The following TNFRSF21 variants were observed in gnomAD, a reference collection of about 807,000 sequenced individuals.
TNFRSF21 encodes tumor necrosis factor receptor superfamily member 21.
TNFRSF21 carries 19 observed loss-of-function variants against 45.6 expected under a neutral mutation model. The observed-to-expected ratio is 0.42, with a 90% CI of 0.29 to 0.61. The LOEUF (loss-of-function observed/expected upper bound fraction) is 0.61, where lower values mean the gene tolerates loss of function less well. Ranked by LOEUF, TNFRSF21 falls within the 20% of genes least tolerant of loss-of-function variation. The pLI, the probability that TNFRSF21 is intolerant of heterozygous loss-of-function variation, is 0.23. For synonymous variants in TNFRSF21, 314 were observed against 335.5 expected (o/e 0.94, Z 0.70); for missense variants, 737 against 851.5 (o/e 0.87, Z 1.67).
intron 1 of TNFRSF21, among the ~76,000 whole-genome samples, chr6:47,305,580 G>A (rs1478323577): frequency 6.6e-6 from 1 of 152,140 alleles, no homozygotes; most frequent in African/African-American, 2.4e-5. Flanking sequence ...AACAGCCAAA[G>A]TGAATTGCCA....
Position 47,309,338 on chromosome 6 carries a change from G to A in TNFRSF21, c.96+78C>T, listed in dbSNP as rs1762983353. ...CCCGCGCCTCCCTAAGCCCCGGCCCGGTGACCCGCCCGGCTCCCGGAGAGC... is the reference window on the plus strand; with the variant it reads ...CCCGCGCCTCCCTAAGCCCCGGCCCAGTGACCCGCCCGGCTCCCGGAGAGC... On this transcript the variant is annotated intron_variant, in intron 1 of 5. Transcript: ENST00000296861. 1.8e-5 allele frequency: 27 copies of A among 1,469,094 alleles called. No individual in the cohort carries two copies. The South Asian group carries it at 2.6e-4, about 14-fold the overall frequency. The allele number at this position is 1,469,094 out of a possible 1,614,324, so 91.0% of individuals were successfully genotyped here. A position where few individuals can be genotyped will look rare whatever the true frequency, so the allele number is the denominator to read the frequency against.
Position 47,295,210 on chromosome 6 carries a change from T to C in TNFRSF21, c.97-8615A>G, listed in dbSNP as rs141975579. Among the ~76,000 whole-genome samples the C allele has an allele frequency of 2.5e-4, 38 of 152,286 alleles. No homozygotes were observed. The East Asian group carries it at 7.1e-3, about 29-fold the overall frequency. On this transcript the variant is annotated intron_variant, in intron 1 of 5. Transcript: ENST00000296861. ...TCACTTCTATTCTCGGACACAGAGA[T>C]GGGCCTGACTAAGGACAAGAAGCAC...
At chr6:47,237,513 C>T (rs1162615110) in intron 4 of TNFRSF21, among the ~76,000 whole-genome samples, 4 of 152,110 alleles carry the variant, frequency 2.6e-5, no homozygotes, top group African/African-American at 7.2e-5. Context: ...CAATGAAGAA[C>T]ACCTACAATA....
rs1036844893 is a variant in TNFRSF21 at position 47,231,897 on chromosome 6, T to C, written c.*868A>G. On this transcript the variant is annotated 3_prime_UTR_variant, in exon 6 of 6. Transcript: ENST00000296861. ...GAAAGGGCGCCACTGGCACTTGATTTTGACTTTCCAAAGTGCAGCAATGTG... is the reference window on the plus strand; with the variant it reads ...GAAAGGGCGCCACTGGCACTTGATTCTGACTTTCCAAAGTGCAGCAATGTG... 2.6e-5 allele frequency: 4 copies of C among 152,666 alleles called. No homozygotes were observed. Among genetic ancestry groups the C allele is most frequent in the Non-Finnish European group, 2.9e-5 (2 of 68,044 alleles). 9.5% of individuals were successfully genotyped at this position (152,666 alleles called of 1,614,324 possible).
intron 3 of TNFRSF21, among the ~76,000 whole-genome samples, chr6:47,255,758 T>G (rs1422972908): frequency 6.6e-6 from 1 of 152,084 alleles, no homozygotes; most frequent in Non-Finnish European, 1.5e-5. Context: ...CCACCATGCC[T>G]GGCCAATATC....
intron 3 of TNFRSF21, among the ~76,000 whole-genome samples, chr6:47,259,503 T>C (rs1009241251): frequency 1.3e-5 from 2 of 152,008 alleles, no homozygotes; most frequent in Non-Finnish European, 2.9e-5. Context: ...GGCTCCCGAG[T>C]AGCTAGAACT....
intron 3 of TNFRSF21, among the ~76,000 whole-genome samples, chr6:47,274,440 A>C (rs1234464432): frequency 6.6e-6 from 1 of 152,244 alleles, no homozygotes; most frequent in Non-Finnish European, 1.5e-5. Flanking sequence ...AGCCACATGT[A>C]GAAAGCTGAA....
At chr6:47,233,073 T>C (rs549592300) in intron 5 of TNFRSF21, 79 bp from the exon 6 acceptor site, 107 of 1,317,372 alleles carry the variant, frequency 8.1e-5, no homozygotes, top group South Asian at 3.7e-4. Flanking sequence ...AGCAGGGTCC[T>C]AGAGAGAGAG....
At chr6:47,283,803 CACG>C (rs1762605342) in intron 3 of TNFRSF21, 132 bp downstream of exon 3, 2 of 1,121,962 alleles carry the variant, frequency 1.8e-6, no homozygotes, top group African/African-American at 3.1e-5. Flanking sequence ...TTTTCTATAA[CACG>C]ACTAGATCAA....
At position 47,268,795 on chromosome 6, in the gene TNFRSF21, C is replaced by G. The variant is rs145145282; in HGVS notation, c.1243+15143G>C. Reference sequence around the variant, plus strand: ...TCAGGCTCTGAGACATGCCTTCCATCCCCACCTCATCTACCCTATGCCCCT... The same window carrying G: ...TCAGGCTCTGAGACATGCCTTCCATGCCCACCTCATCTACCCTATGCCCCT... On this transcript the variant is annotated intron_variant, in intron 3 of 5. Transcript: ENST00000296861. Among the ~76,000 whole-genome samples the G allele has an allele frequency of 9.9e-5, 15 of 152,274 alleles. No homozygotes were observed. In the East Asian group the frequency reaches 2.7e-3, roughly 27 times the overall value.
At chr6:47,256,790 A>G (rs1285983610) in intron 3 of TNFRSF21, among the ~76,000 whole-genome samples, 2 of 152,218 alleles carry the variant, frequency 1.3e-5, no homozygotes. Flanking sequence ...TCCAAACACC[A>G]AAAGTCTTGT....
At position 47,296,444 on chromosome 6, in the gene TNFRSF21, C is replaced by T. The variant is rs117764857; in HGVS notation, c.97-9849G>A. On this transcript the variant is annotated intron_variant, in intron 1 of 5. Transcript: ENST00000296861. ...TTCCTAAAACCTTAAAATCTCCAGC[C>T]ACAATAGTGTCTTTTGTATGCTAAT... is the stretch of plus-strand genomic sequence containing the variant. Among the ~76,000 whole-genome samples, 160 of 152,220 alleles carry T rather than the reference C, an allele frequency of 1.1e-3. 2 individuals are homozygous for T. In the East Asian group the frequency reaches 0.02, roughly 19 times the overall value.
In TNFRSF21 at chr6:47,234,840, A is replaced by T. The variant is rs565493522; in HGVS notation, c.1568T>A (p.Ile523Asn). Residue 523 changes from isoleucine (I) to asparagine (N), a missense_variant, in exon 5 of 6, where the codon ATC becomes AAC. Physicochemically the swap from Ile to Asn is moderately radical, Grantham distance 149. Coordinates refer to ENST00000296861, the MANE Select transcript of TNFRSF21 (RefSeq NM_014452.5). ...MSPSPLSPSPIPSPNAKLENS... is the reference protein window; with the variant it reads ...MSPSPLSPSPNPSPNAKLENS... ...CTCAAGTTTCGCGTTGGGGCTGGGG[A>T]TGGGGCTCGGGCTAAGCGGGCTGGG... is the stretch of plus-strand genomic sequence containing the variant. 26 of 1,527,556 alleles carry T rather than the reference A, an allele frequency of 1.7e-5. No individual in the cohort carries two copies. The highest frequency in any genetic ancestry group is 2.3e-5 in the Non-Finnish European group (26 of 1,140,618). 94.6% of individuals were successfully genotyped at this position (1,527,556 alleles called of 1,614,324 possible).
intron 3 of TNFRSF21, among the ~76,000 whole-genome samples, chr6:47,260,781 C>T (rs1039896767): frequency 1.3e-5 from 2 of 152,154 alleles, no homozygotes; most frequent in Non-Finnish European, 2.9e-5. Flanking sequence ...AATCAGGCTT[C>T]GTGCAGAATG....
At chr6:47,255,108 T>C (rs1432520765) in intron 3 of TNFRSF21, among the ~76,000 whole-genome samples, 2 of 152,210 alleles carry the variant, frequency 1.3e-5, no homozygotes, top group African/African-American at 4.8e-5. Flanking sequence ...AATGATTCAA[T>C]ATATTATCAT....
chr6:47,263,832 G>A (rs1762285547), intron 3 of TNFRSF21, among the ~76,000 whole-genome samples: 2 of 152,276 alleles, frequency 1.3e-5, no homozygotes. Context: ...CTACTTAGTG[G>A]TATATAAAAG....
chr6:47,291,934 G>A (rs888779542), intron 1 of TNFRSF21, among the ~76,000 whole-genome samples: 8 of 152,180 alleles, frequency 5.3e-5, no homozygotes, highest in African/African-American at 1.9e-4. Context: ...GACTCAGATG[G>A]CACCTGAGAA....
intron 3 of TNFRSF21, among the ~76,000 whole-genome samples, chr6:47,266,229 C>T (rs145791641): frequency 2.0e-5 from 3 of 152,220 alleles, no homozygotes; most frequent in East Asian, 1.9e-4. Context: ...GTTTTGTTCA[C>T]GACCCCCAAT....
At chr6:47,292,258 C>T (rs888805749) in intron 1 of TNFRSF21, among the ~76,000 whole-genome samples, 2 of 152,096 alleles carry the variant, frequency 1.3e-5, no homozygotes, top group African/African-American at 2.4e-5. Flanking sequence ...TATCTGACGC[C>T]GAGTCCTACC....
Sources: allele counts gnomAD v4.1 joint callset (sites outside exome capture counted in the v4.1 genomes callset), GRCh38; gene constraint gnomAD v4.1.1; transcripts MANE v1.5; gene names NCBI Gene and HGNC (gene_info 2026-07-23, HGNC 2026-07-21).